VIP: variants seen among roughly 807,000 people sequenced by gnomAD.
The protein encoded by VIP is VIP peptides.
In VIP, 18 loss-of-function variants were observed where a neutral mutation model predicts 20.1. The observed-to-expected ratio is 0.90, with a 90% CI of 0.62 to 1.33. The LOEUF (loss-of-function observed/expected upper bound fraction) is 1.33. Among genes scored for constraint, VIP ranks in the 40% most tolerant of loss-of-function variants. VIP has a pLI of 0.00. For synonymous variants in VIP, 70 were observed against 68.1 expected (o/e 1.03, Z -0.14); for missense variants, 209 against 199.4 (o/e 1.05, Z -0.29).
Position 152,755,287 on chromosome 6 carries a change from T to C in VIP, c.249T>C (p.Asp83=). 6.3e-7 allele frequency: 1 copy of C among 1,581,614 alleles called. No individual in the cohort carries two copies. The highest frequency in any genetic ancestry group is 8.6e-7 in the Non-Finnish European group (1 of 1,165,256). Residue 83 remains aspartate, a synonymous_variant, in exon 4 of 7, where the codon GAT becomes GAC. Transcript: ENST00000367244. ...GTTTTAGAAATGCCAGGCATGCTGA[T>C]GGAGTTTTCACCAGTGACTTCAGTA... ...YDVSRNARHA[D]GVFTSDFSKL...
intron 3 of VIP, 106 bp downstream of exon 3, chr6:152,754,394 A>C: frequency 9.3e-7 from 1 of 1,074,690 alleles, no homozygotes; most frequent in Non-Finnish European, 1.3e-6. Flanking sequence ...TTCCGATAGC[A>C]AAACACTAGA....
intron 6 of VIP, 42 bp downstream of exon 6, chr6:152,757,226 C>A (rs963318467): frequency 3.7e-6 from 5 of 1,340,960 alleles, no homozygotes; most frequent in African/African-American, 2.9e-5. Context: ...TTATGGCTGT[C>A]TCTGATTATA....
chr6:152,757,807 C>A (rs2099730654), intron 6 of VIP, among the ~76,000 whole-genome samples: 1 of 151,814 alleles, frequency 6.6e-6, no homozygotes, highest in Non-Finnish European at 1.5e-5. Context: ...CATGGATAGA[C>A]TTTTTTTCTT....
intron 6 of VIP, among the ~76,000 whole-genome samples, chr6:152,758,420 T>C (rs2099730740): frequency 1.3e-5 from 2 of 151,948 alleles, no homozygotes; most frequent in African/African-American, 2.4e-5. Flanking sequence ...GAGAAACAAG[T>C]CCCTTTGCTC....
At chr6:152,754,320 G>A (rs1261469950) in intron 3 of VIP, 32 bp downstream of exon 3, 11 of 1,569,198 alleles carry the variant, frequency 7.0e-6, no homozygotes, top group Non-Finnish European at 9.5e-6. Context: ...TATCCAATGA[G>A]TTTTATTTTA....
At chr6:152,754,980 A>G (rs144312198) in intron 3 of VIP, among the ~76,000 whole-genome samples, 94 of 152,106 alleles carry the variant, frequency 6.2e-4, no homozygotes, top group African/African-American at 2.1e-3. Context: ...TATTTCTTAG[A>G]AAGAAATAGT....
chr6:152,753,783 GT>G (rs2099730002), intron 2 of VIP, among the ~76,000 whole-genome samples: 1 of 151,942 alleles, frequency 6.6e-6, no homozygotes, highest in Non-Finnish European at 1.5e-5. Context: ...TTCAATATTA[GT>G]TTTTTGCAAG....
chr6:152,756,499 C>T (rs2099730449), intron 5 of VIP, among the ~76,000 whole-genome samples: 1 of 151,882 alleles, frequency 6.6e-6, no homozygotes, highest in South Asian at 2.1e-4. Flanking sequence ...CCTAGACATA[C>T]ATTTCTTTTA....
chr6:152,754,337 G>T, intron 3 of VIP, 49 bp downstream of exon 3: 2 of 1,541,538 alleles, frequency 1.3e-6, no homozygotes, highest in Non-Finnish European at 1.8e-6. Flanking sequence ...TTTAGAAAAT[G>T]TGTTTAAGAA....
intron 5 of VIP, 33 bp downstream of exon 5, chr6:152,756,298 A>G: frequency 1.3e-6 from 2 of 1,591,682 alleles, no homozygotes; most frequent in Non-Finnish European, 1.7e-6. Flanking sequence ...AAAATGAGGA[A>G]TCATGACTGA....
At chr6:152,756,397 C>T (rs529785963) in intron 5 of VIP, 132 bp downstream of exon 5, 4 of 1,043,866 alleles carry the variant, frequency 3.8e-6, no homozygotes, top group East Asian at 2.7e-5. Flanking sequence ...CCTTGGCTGA[C>T]ATTAGACTAC....
chr6:152,758,404 A>AGT (rs2099730738), intron 6 of VIP, among the ~76,000 whole-genome samples: 2 of 152,014 alleles, frequency 1.3e-5, no homozygotes, highest in Admixed American at 1.3e-4. Context: ...TTTTATAGAC[A>AGT]TCTCAGAGAA....
intron 1 of VIP, among the ~76,000 whole-genome samples, chr6:152,751,267 C>T (rs2099729583): frequency 6.6e-6 from 1 of 152,018 alleles, no homozygotes; most frequent in African/African-American, 2.4e-5. Context: ...CTGAAAATTT[C>T]AGTGGGAACA....
chr6:152,756,028 G>T (rs570778110), intron 4 of VIP, 106 bp from the exon 5 acceptor site: 10 of 1,202,836 alleles, frequency 8.3e-6, no homozygotes, highest in Non-Finnish European at 1.1e-5. Flanking sequence ...TAGAAAATTA[G>T]TTGGGTGGGA....
At position 152,759,324 on chromosome 6, in the gene VIP, C is replaced by G. The variant is rs997103407; in HGVS notation, c.*458C>G. 1 of 151,874 alleles carries G rather than the reference C, an allele frequency of 6.6e-6. No individual in the cohort carries two copies. Among genetic ancestry groups the G allele is most frequent in the Non-Finnish European group, 1.5e-5 (1 of 67,922 alleles). 9.4% of individuals were successfully genotyped at this position (151,874 alleles called of 1,614,324 possible). A position where few individuals can be genotyped will look rare whatever the true frequency, so the allele number is the denominator to read the frequency against. ...ATTTGAATGTTAAGCAGATGGAATG[C>G]TGTGTTAAATAAACCTCAAAATGTC... On this transcript the variant is annotated 3_prime_UTR_variant, in exon 7 of 7. Transcript: ENST00000367244.
In VIP at chr6:152,756,043, C is replaced by G. The variant is rs891686015; in HGVS notation, c.336-91C>G. ...TAGAAAATTAGTTGGGTGGGAATTG[C>G]TTTTTATGTGGCTCCAAGAAACCTG... is the stretch of plus-strand genomic sequence containing the variant. On this transcript the variant is annotated intron_variant, in intron 4 of 6. Coordinates refer to ENST00000367244, the MANE Select transcript of VIP (RefSeq NM_003381.4). 2.1e-5 allele frequency: 28 copies of G among 1,362,914 alleles called. No homozygotes were observed. The African/African-American group carries it at 3.7e-4, about 18-fold the overall frequency. 84.4% of individuals were successfully genotyped at this position (1,362,914 alleles called of 1,614,324 possible).
intron 6 of VIP, among the ~76,000 whole-genome samples, 162 bp from the exon 7 acceptor site, chr6:152,758,748 C>T (rs953969890): frequency 6.6e-5 from 10 of 152,034 alleles, no homozygotes; most frequent in African/African-American, 2.4e-4. Flanking sequence ...CCTCTAGAAG[C>T]TGCTCTCTTG....
At chr6:152,753,470 T>A (rs896510707) in intron 2 of VIP, among the ~76,000 whole-genome samples, 2 of 152,134 alleles carry the variant, frequency 1.3e-5, no homozygotes, top group Non-Finnish European at 2.9e-5. Context: ...ATTTGACTAT[T>A]CTTAGTCTTT....
intron 4 of VIP, among the ~76,000 whole-genome samples, chr6:152,755,820 TAA>T (rs200063614): frequency 1.0e-4 from 15 of 145,760 alleles, no homozygotes; most frequent in African/African-American, 3.0e-4. Flanking sequence ...ATGTTTTTTT[TAA>T]AAAAAAAAAA....
Sources: allele counts gnomAD v4.1 joint callset (sites outside exome capture counted in the v4.1 genomes callset), GRCh38; gene constraint gnomAD v4.1.1; transcripts MANE v1.5; gene names NCBI Gene and HGNC (gene_info 2026-07-23, HGNC 2026-07-21).